Variants in C1orf159 observed in about 807,000 individuals in gnomAD.
C1orf159 encodes the protein uncharacterized protein C1orf159.
Under a neutral mutation model 25.6 loss-of-function variants are expected in C1orf159, and 19 were observed. The ratio of observed to expected loss-of-function variants is 0.74; its 90% CI spans 0.52 to 1.09. The LOEUF (loss-of-function observed/expected upper bound fraction) is 1.09, where lower values mean the gene tolerates loss of function less well. C1orf159 is among the 50% of genes least tolerant of loss of function. The pLI, the probability that C1orf159 is intolerant of heterozygous loss-of-function variation, is 0.00. For synonymous variants in C1orf159, 139 were observed against 124.7 expected, an observed-to-expected ratio of 1.12 and a Z score of -0.77; for missense variants, 274 against 290.6, an observed-to-expected ratio of 0.94 and a Z score of 0.42.
chr1:1,114,066 G>A (rs182273144), intron 1 of C1orf159, among the ~76,000 whole-genome samples: 137 of 152,132 alleles, frequency 9.0e-4, no homozygotes, highest in African/African-American at 3.1e-3. Context: ...ACAGGCGCCC[G>A]CCACCATGCC....
At chr1:1,091,003 AGGGC>A (rs1169419702) in intron 3 of C1orf159, 1 of 1,531,362 alleles carries the variant, frequency 6.5e-7, no homozygotes, top group East Asian at 2.5e-5. Flanking sequence ...GTGAACGGTG[AGGGC>A]GTCCAGGGGT....
chr1:1,112,062 G>A (rs543913089), intron 1 of C1orf159, among the ~76,000 whole-genome samples: 4 of 152,340 alleles, frequency 2.6e-5, no homozygotes, highest in South Asian at 4.1e-4. Context: ...CTCAGCAGAC[G>A]TGAGCAGGGC....
rs1645797222 is a variant in C1orf159, at chr1:1,084,467, T to C, written c.471+14A>G. On this transcript the variant is annotated intron_variant, in intron 8 of 9. Transcript: ENST00000421241. ...GGCCAGGGACGCTCAGCCCGGATGA[T>C]GTGGGTTACTTACGGCTTCGCCAGG... 6.4e-7 allele frequency: 1 copy of C among 1,567,186 alleles called. No individual in the cohort carries two copies. Among genetic ancestry groups the C allele is most frequent in the South Asian group, 1.2e-5 (1 of 85,664 alleles).
intron 1 of C1orf159, among the ~76,000 whole-genome samples, chr1:1,098,849 T>C (rs1346676031): frequency 6.6e-6 from 1 of 152,152 alleles, no homozygotes; most frequent in Non-Finnish European, 1.5e-5. Flanking sequence ...TGACCTCAGG[T>C]GATCCACCCG....
intron 1 of C1orf159, among the ~76,000 whole-genome samples, chr1:1,100,068 C>T (rs1646078875): frequency 6.6e-6 from 1 of 152,134 alleles, no homozygotes; most frequent in Non-Finnish European, 1.5e-5. Context: ...CTAGACTTTA[C>T]CTTGGGCAAA....
chr1:1,090,802 G>T, intron 3 of C1orf159: 2 of 1,267,270 alleles, frequency 1.6e-6, no homozygotes, highest in Non-Finnish European at 2.2e-6. Flanking sequence ...CCCGGGCCTG[G>T]CTGGCATTTC....
rs759264144 is a variant in C1orf159 at position 1,082,938 on chromosome 1, C to T, written c.552G>A (p.Thr184=). Reference sequence around the variant, plus strand: ...CCTCCCCCGGGAAGGCAGCGGGATCCGTGGCCCTGTCCAGGGGCCGCTCCC... The same window carrying T: ...CCTCCCCCGGGAAGGCAGCGGGATCTGTGGCCCTGTCCAGGGGCCGCTCCC... ...VRRERPLDRA[T]DPAAFPGEAR... Residue 184 remains threonine (T), a synonymous_variant, in exon 10 of 10, where the codon ACG becomes ACA. Transcript: ENST00000421241. The T allele has an allele frequency of 5.0e-6, 8 of 1,604,138 alleles. No individual in the cohort carries two copies. The highest frequency in any genetic ancestry group is 1.7e-4 in the Middle Eastern group (1 of 6,048).
At chr1:1,083,938 G>T in intron 9 of C1orf159, 1 of 1,595,948 alleles carries the variant, frequency 6.3e-7, no homozygotes, top group Non-Finnish European at 8.5e-7. Context: ...GGGTCCGCCT[G>T]ACCCAGCACC....
Position 1,082,720 on chromosome 1 carries a change from C to T in C1orf159, c.*173G>A, listed in dbSNP as rs948817265. The T allele has an allele frequency of 5.4e-5, 33 of 615,330 alleles. No homozygotes were observed. Among genetic ancestry groups the T allele is most frequent in the Middle Eastern group, 4.3e-4 (1 of 2,322 alleles). 38.1% of individuals were successfully genotyped at this position (615,330 alleles called of 1,614,324 possible). A position where few individuals can be genotyped will look rare whatever the true frequency, so the allele number is the denominator to read the frequency against. On this transcript the variant is annotated 3_prime_UTR_variant, in exon 10 of 10. Transcript: ENST00000421241. ...GGCTGTGGTGGGGAGGAGCCTCAGG[C>T]GGCCCGGGACCCTTTGGCGTCCGTC... is the stretch of plus-strand genomic sequence containing the variant.
At chr1:1,085,299 C>CG in intron 7 of C1orf159, 1 of 428,838 alleles carries the variant, frequency 2.3e-6, no homozygotes, top group Non-Finnish European at 4.7e-6. Context: ...AGGGACCCTG[C>CG]GGGGGCCGGC....
At chr1:1,084,156 C>A (rs1270654325) in intron 9 of C1orf159, 197 bp downstream of exon 9, 19 of 1,545,470 alleles carry the variant, frequency 1.2e-5, no homozygotes, top group Non-Finnish European at 1.6e-5. Context: ...CCGGCCAAAT[C>A]CAGCTGAGAT....
Position 1,090,458 on chromosome 1 carries a change from G to T in C1orf159, c.73-30C>A, listed in dbSNP as rs1241904651. The stretch of plus-strand genomic sequence containing the variant: ...AGGGGACACGGCAGTGAAACTCCAG[G>T]ACGCGCCTGCCAGGCAGGCTCACGC... On this transcript the variant is annotated intron_variant, in intron 3 of 9. Coordinates refer to ENST00000421241, the MANE Select transcript of C1orf159 (RefSeq NM_017891.5). The T allele has an allele frequency of 2.6e-6, 4 of 1,548,932 alleles. No homozygotes were observed. The Admixed American group carries it at 5.9e-5, about 23-fold the overall frequency.
At chr1:1,106,348 C>CA (rs763423009) in intron 1 of C1orf159, among the ~76,000 whole-genome samples, 67 of 152,026 alleles carry the variant, frequency 4.4e-4, no homozygotes, top group Non-Finnish European at 7.5e-4. Flanking sequence ...TGGCTATTAC[C>CA]AAAAAAACAG....
At chr1:1,093,072 C>G (rs1219290342) in intron 1 of C1orf159, among the ~76,000 whole-genome samples, 1 of 152,030 alleles carries the variant, frequency 6.6e-6, no homozygotes, top group Non-Finnish European at 1.5e-5. Flanking sequence ...TGATTCAGCT[C>G]CTCCTCTCTG....
chr1:1,099,063 A>G (rs1488674021), intron 1 of C1orf159, among the ~76,000 whole-genome samples: 2 of 152,174 alleles, frequency 1.3e-5, no homozygotes, highest in East Asian at 1.9e-4. Context: ...TGGGTTGTCT[A>G]TTGATGTTTT....
rs751844454 is a variant in C1orf159 at position 1,087,601 on chromosome 1, C to T, written c.149-4G>A. 2.7e-5 allele frequency: 41 copies of T among 1,542,514 alleles called. No homozygotes were observed. The highest frequency in any genetic ancestry group is 4.9e-5 in the East Asian group (2 of 40,852). ...GCGTTCCAGCGCCTGTAACAGCCTGCGTGGGGCAGAGGACGGGCATGTCAG... is the reference window on the plus strand; with the variant it reads ...GCGTTCCAGCGCCTGTAACAGCCTGTGTGGGGCAGAGGACGGGCATGTCAG... On this transcript the variant is annotated splice_region_variant and splice_polypyrimidine_tract_variant and intron_variant, in intron 4 of 9. Transcript: ENST00000421241. The surrounding 1 kb of genome is among the most constrained non-coding windows in gnomAD (Gnocchi z 8.3).
intron 1 of C1orf159, among the ~76,000 whole-genome samples, chr1:1,101,626 C>T (rs879762549): frequency 2.6e-5 from 4 of 151,982 alleles, no homozygotes; most frequent in Non-Finnish European, 5.9e-5. Flanking sequence ...CAGGGTCCGT[C>T]GGCTCATGGT....
chr1:1,094,243 G>A (rs1221515812), intron 1 of C1orf159, among the ~76,000 whole-genome samples: 2 of 151,994 alleles, frequency 1.3e-5, no homozygotes, highest in African/African-American at 2.4e-5. Flanking sequence ...GACTACAGGT[G>A]CATGCTGCCA....
Position 1,090,247 on chromosome 1 carries a change from C to T in C1orf159, c.148+106G>A, listed in dbSNP as rs997423493. On this transcript the variant is annotated intron_variant, in intron 4 of 9. Coordinates refer to ENST00000421241, the MANE Select transcript of C1orf159 (RefSeq NM_017891.5). ...TGCCCCATCCACTCCCCAGGTCCCG[C>T]AGCACAGATGAGCACTGTCCTTGTC... 4.3e-6 allele frequency: 5 copies of T among 1,164,512 alleles called. No individual in the cohort carries two copies. In the Admixed American group the frequency reaches 8.1e-5, roughly 19 times the overall value. 72.1% of individuals were successfully genotyped at this position (1,164,512 alleles called of 1,614,324 possible). A position where few individuals can be genotyped will look rare whatever the true frequency, so the allele number is the denominator to read the frequency against.
Sources: gnomAD v4.1 joint callset for allele counts (sites outside exome capture counted in the v4.1 genomes callset) on GRCh38, gnomAD v4.1.1 for gene constraint, Gnocchi (gnomAD v3.1) non-coding constraint, MANE v1.5 for transcripts, NCBI Gene and HGNC (gene_info 2026-07-23, HGNC 2026-07-21) for gene names.